AGMO: variants seen among roughly 807,000 people sequenced by gnomAD.
AGMO encodes alkylglycerol monooxygenase, also known as glyceryl-ether monooxygenase.
AGMO carries 75 observed loss-of-function variants against 60.2 expected under a neutral mutation model. The observed-to-expected ratio is 1.25, with a 90% confidence interval of 1.03 to 1.51. AGMO has a LOEUF of 1.51. AGMO is among the 40% of genes most tolerant of loss of function. The pLI is 0.00. For missense variants in AGMO, 763 were observed against 525.5 expected (o/e 1.45, Z -4.42); for synonymous variants, 261 against 177.1 (o/e 1.47, Z -3.76).
At chr7:15,557,218 C>T (rs554375921) in intron 2 of AGMO, among the ~76,000 whole-genome samples, 4 of 152,204 alleles carry the variant, frequency 2.6e-5, no homozygotes, top group African/African-American at 9.6e-5. Flanking sequence ...AAAACACGTT[C>T]GCTTTGATTT....
chr7:15,259,318 G>T (rs1783199571), intron 12 of AGMO, among the ~76,000 whole-genome samples: 1 of 151,858 alleles, frequency 6.6e-6, no homozygotes, highest in African/African-American at 2.4e-5. Context: ...CATAGAGCTT[G>T]AAGACAAGGC....
chr7:15,239,027 A>G (rs909195533), intron 12 of AGMO, among the ~76,000 whole-genome samples: 9 of 152,190 alleles, frequency 5.9e-5, no homozygotes, highest in African/African-American at 2.2e-4. Flanking sequence ...AGAATAAATA[A>G]CCTTTCCAAG....
chr7:15,431,533 T>A lies in AGMO; in HGVS notation c.410-425A>T, dbSNP rs184660854. Among the ~76,000 whole-genome samples the A allele has an allele frequency of 5.1e-3, 768 of 151,902 alleles. 8 individuals are homozygous for A. The highest frequency in any genetic ancestry group is 0.021 in the South Asian group (101 of 4,828). On this transcript the variant is annotated intron_variant, in intron 3 of 12. Transcript: ENST00000342526. The stretch of plus-strand genomic sequence containing the variant: ...AAGAAAAATTGTCTGATGGGAGAAA[T>A]TGGTATGGAAATTTTGGAATAAAAT...
At chr7:15,127,683 T>C in the AGMO span, among the ~76,000 whole-genome samples, 3 of 152,264 alleles carry the variant, frequency 2.0e-5, no homozygotes, top group African/African-American at 7.2e-5. Context: ...AGAATAGCTT[T>C]TCTAAAATTA....
chr7:15,525,793 C>G (rs944229698), intron 3 of AGMO, among the ~76,000 whole-genome samples: 1 of 152,148 alleles, frequency 6.6e-6, no homozygotes, highest in Non-Finnish European at 1.5e-5. Context: ...GCTGACAGAA[C>G]AGTGAGTGCA....
intron 3 of AGMO, among the ~76,000 whole-genome samples, chr7:15,525,678 C>T (rs1395988824): frequency 6.6e-6 from 1 of 152,058 alleles, no homozygotes; most frequent in African/African-American, 2.4e-5. Flanking sequence ...ACGGTAACAC[C>T]GTGGCCCTCT....
At chr7:15,198,247 G>GAC (rs1465601867), downstream of AGMO, among the ~76,000 whole-genome samples, 11 of 84,968 alleles carry the variant, frequency 1.3e-4, 1 homozygote, top group African/African-American at 7.4e-4. Context: ...GAGAGAGAGA[G>GAC]AGAGAGAGAC....
chr7:15,316,185 G>GTT (rs1165802201), intron 12 of AGMO, among the ~76,000 whole-genome samples: 1 of 152,138 alleles, frequency 6.6e-6, no homozygotes, highest in African/African-American at 2.4e-5. Flanking sequence ...ACAAAACACA[G>GTT]TAATGGAGAG....
At chr7:15,483,448 C>T (rs1782817750) in intron 3 of AGMO, among the ~76,000 whole-genome samples, 1 of 152,090 alleles carries the variant, frequency 6.6e-6, no homozygotes, top group Non-Finnish European at 1.5e-5. Flanking sequence ...CGCCTGCAGT[C>T]CCAGCTACTC....
intron 12 of AGMO, among the ~76,000 whole-genome samples, chr7:15,338,928 G>A (rs1009634402): frequency 1.2e-4 from 19 of 152,300 alleles, no homozygotes; most frequent in Middle Eastern, 3.4e-3. Context: ...AGGTTGGTTG[G>A]CAAGTGGGGA....
chr7:15,475,028 A>G (rs1389826552), intron 3 of AGMO, among the ~76,000 whole-genome samples: 2 of 152,188 alleles, frequency 1.3e-5, no homozygotes, highest in Non-Finnish European at 2.9e-5. Flanking sequence ...TGATCATTAA[A>G]AAGTCGGGAA....
intron 10 of AGMO, among the ~76,000 whole-genome samples, chr7:15,368,065 C>A (rs6956865): frequency 6.6e-6 from 1 of 151,886 alleles, no homozygotes; most frequent in African/African-American, 2.4e-5. Context: ...ATTTTAAACC[C>A]TCCAAAGCAA....
At chr7:15,430,933 T>TTTTTTTG in intron 4 of AGMO, 72 bp downstream of exon 4, 1 of 788,670 alleles carries the variant, frequency 1.3e-6, no homozygotes, top group Non-Finnish European at 1.9e-6. Context: ...TTTTTTTTTT[T>TTTTTTTG]GAGGAAATAG....
At position 15,363,524 on chromosome 7, in the gene AGMO, C is replaced by T. The variant is rs892733003; in HGVS notation, c.1263+1990G>A. Among the ~76,000 whole-genome samples, 28 of 152,146 alleles carry T rather than the reference C, an allele frequency of 1.8e-4. 1 individual carries two copies. The highest frequency in any genetic ancestry group is 6.3e-4 in the African/African-American group (26 of 41,432). ...AAGTGGTGAAGTAATTGCCAAAGAA[C>T]ACATAGCTACTTAGTTCTTAAGCCA... On this transcript the variant is annotated intron_variant, in intron 12 of 12. Coordinates refer to ENST00000342526, the MANE Select transcript of AGMO (RefSeq NM_001004320.2).
rs536198832 is a variant in AGMO, at chr7:15,393,906, T to A, written c.676+207A>T. On this transcript the variant is annotated intron_variant, in intron 6 of 12. Coordinates refer to ENST00000342526, the MANE Select transcript of AGMO (RefSeq NM_001004320.2). Reference sequence around the variant, plus strand: ...AAAATCCAAAAGTCAGATAGATAAATCCCCCTACCCCACCCCACCCCACCC... The same window carrying A: ...AAAATCCAAAAGTCAGATAGATAAAACCCCCTACCCCACCCCACCCCACCC... 4.9e-3 allele frequency among the ~76,000 whole-genome samples: 746 copies of A among 150,876 alleles called. 7 individuals carry two copies. The highest frequency in any genetic ancestry group is 0.027 in the Middle Eastern group (8 of 292).
chr7:15,253,728 T>C (rs577954590), intron 12 of AGMO, among the ~76,000 whole-genome samples: 1 of 152,276 alleles, frequency 6.6e-6, no homozygotes, highest in African/African-American at 2.4e-5. Context: ...TTCTAGCTAT[T>C]TGAAATATAC....
chr7:15,154,555 T>A, the AGMO span, among the ~76,000 whole-genome samples: 1 of 152,208 alleles, frequency 6.6e-6, no homozygotes, highest in South Asian at 2.1e-4. Context: ...CTTCTTTATC[T>A]AACTTCCACT....
chr7:15,183,439 T>C, the AGMO span, among the ~76,000 whole-genome samples: 1 of 152,198 alleles, frequency 6.6e-6, no homozygotes, highest in Non-Finnish European at 1.5e-5. Context: ...AAATGTTAAT[T>C]TTATGCTTAA....
At chr7:15,297,526 GATTTACTACA>G (rs2128524473) in intron 12 of AGMO, among the ~76,000 whole-genome samples, 1 of 152,046 alleles carries the variant, frequency 6.6e-6, no homozygotes, top group African/African-American at 2.4e-5. Flanking sequence ...ACTCTTTTTT[GATTTACTACA>G]GAGTAAATCA....
Sources: gnomAD v4.1 joint callset for allele counts (sites outside exome capture counted in the v4.1 genomes callset) on GRCh38, gnomAD v4.1.1 for gene constraint, MANE v1.5 for transcripts, NCBI Gene and HGNC (gene_info 2026-07-23, HGNC 2026-07-21) for gene names.